The following CNIH3 variants were observed in gnomAD, a reference collection of about 807,000 sequenced individuals.
The protein encoded by CNIH3 is protein cornichon homolog 3.
CNIH3 carries 14 observed loss-of-function variants against 24.1 expected under a neutral mutation model. The observed-to-expected ratio is 0.58, with a 90% CI of 0.38 to 0.91. The LOEUF (loss-of-function observed/expected upper bound fraction) is 0.91. Ranked by LOEUF, CNIH3 falls within the 40% of genes least tolerant of loss-of-function variation. CNIH3 has a pLI of 0.00. For missense variants in CNIH3, 178 were observed against 196.8 expected, an observed-to-expected ratio of 0.90 and a Z score of 0.57; for synonymous variants, 68 against 73.8, an observed-to-expected ratio of 0.92 and a Z score of 0.40.
chr1:224,635,336 A>G (rs1684037316), intron 1 of CNIH3, among the ~76,000 whole-genome samples: 1 of 152,174 alleles, frequency 6.6e-6, no homozygotes, highest in Non-Finnish European at 1.5e-5. Flanking sequence ...TTGGGTGGGG[A>G]CACACAGCCA....
intron 4 of CNIH3, chr1:224,574,351 A>G (rs887036669): frequency 1.4e-5 from 5 of 360,552 alleles, no homozygotes; most frequent in Admixed American, 4.3e-5. Flanking sequence ...TCTTAAAGAC[A>G]TAACTATTTT....
upstream of CNIH3, among the ~76,000 whole-genome samples, chr1:224,512,031 T>G (rs1267649801): frequency 2.0e-5 from 3 of 151,470 alleles, no homozygotes; most frequent in Non-Finnish European, 4.4e-5. Context: ...CAAAATTAGC[T>G]GGGCGTGGTG....
intron 3 of CNIH3, chr1:224,546,995 G>C: frequency 1.3e-6 from 1 of 765,152 alleles, no homozygotes; most frequent in Non-Finnish European, 1.6e-6. Context: ...AGTAGTAATT[G>C]GTAGTGGTAA....
intron 3 of CNIH3, among the ~76,000 whole-genome samples, chr1:224,596,267 T>C (rs759532932): frequency 6.6e-6 from 1 of 152,232 alleles, no homozygotes; most frequent in Non-Finnish European, 1.5e-5. Flanking sequence ...TAGAACCCTT[T>C]ATAATTATGC....
intron 3 of CNIH3, among the ~76,000 whole-genome samples, chr1:224,553,853 G>T (rs972654453): frequency 5.1e-5 from 7 of 137,718 alleles, no homozygotes; most frequent in African/African-American, 7.8e-5. Flanking sequence ...CAGCCAAATA[G>T]ATATTTATAG....
At chr1:224,543,392 C>T (rs778226979) in intron 2 of CNIH3, among the ~76,000 whole-genome samples, 1 of 152,106 alleles carries the variant, frequency 6.6e-6, no homozygotes, top group African/African-American at 2.4e-5. Flanking sequence ...CTTTAGTTCA[C>T]GGGAGTTCTG....
At position 224,653,689 on chromosome 1, in the gene CNIH3, T is replaced by C. The variant is rs1241582336; in HGVS notation, c.82-27269T>C. Among the ~76,000 whole-genome samples, 4 of 152,254 alleles carry C rather than the reference T, an allele frequency of 2.6e-5. No individual in the cohort carries two copies. In the East Asian group the frequency reaches 7.7e-4, roughly 29 times the overall value. On this transcript the variant is annotated intron_variant, in intron 1 of 5. Transcript: ENST00000272133. Reference sequence around the variant, plus strand: ...CGCTGTACAAACTCAATATAAATTCTCAGTTACTGTTGCTTTTTAATACTA... The same window carrying C: ...CGCTGTACAAACTCAATATAAATTCCCAGTTACTGTTGCTTTTTAATACTA...
At chr1:224,535,202 C>T (rs1010037468) in intron 2 of CNIH3, among the ~76,000 whole-genome samples, 17 of 152,108 alleles carry the variant, frequency 1.1e-4, no homozygotes, top group South Asian at 4.1e-4. Context: ...GGAATCTGGA[C>T]GTAGACGCAG....
intron 1 of CNIH3, among the ~76,000 whole-genome samples, chr1:224,656,082 G>T (rs1427964181): frequency 6.6e-6 from 1 of 152,128 alleles, no homozygotes; most frequent in Non-Finnish European, 1.5e-5. Context: ...AACAGTTGGG[G>T]CAGTTTCAGT....
intron 3 of CNIH3, among the ~76,000 whole-genome samples, chr1:224,606,582 G>A (rs749524833): frequency 2.6e-5 from 4 of 152,206 alleles, no homozygotes; most frequent in Admixed American, 6.5e-5. Flanking sequence ...CAGGGAGGGT[G>A]GGCCAGGGTG....
intron 3 of CNIH3, among the ~76,000 whole-genome samples, chr1:224,688,027 G>C (rs555229732): frequency 6.6e-6 from 1 of 152,294 alleles, no homozygotes; most frequent in South Asian, 2.1e-4. Context: ...TCTCAAATGG[G>C]AAACTTGAGG....
At chr1:224,535,449 G>C (rs1412850096) in intron 2 of CNIH3, among the ~76,000 whole-genome samples, 1 of 152,218 alleles carries the variant, frequency 6.6e-6, no homozygotes, top group African/African-American at 2.4e-5. Flanking sequence ...ATAGTAGTTT[G>C]TTACAGCATC....
downstream of CNIH3, among the ~76,000 whole-genome samples, chr1:224,538,659 C>T (rs1679387475): frequency 6.7e-6 from 1 of 148,716 alleles, no homozygotes; most frequent in African/African-American, 2.6e-5. Flanking sequence ...CTCTCTCTCT[C>T]TCTCTTTTTT....
At chr1:224,516,779 G>A (rs1442231379) in intron 1 of CNIH3, among the ~76,000 whole-genome samples, 6 of 152,174 alleles carry the variant, frequency 3.9e-5, no homozygotes, top group East Asian at 1.9e-4. Context: ...TTTGCAGCAC[G>A]TTTTCTTACC....
chr1:224,624,628 C>T (rs946570072), intron 1 of CNIH3, among the ~76,000 whole-genome samples: 2 of 152,186 alleles, frequency 1.3e-5, no homozygotes, highest in Admixed American at 6.5e-5. Context: ...CTCAGAGCAT[C>T]GTGGTCCCTT....
chr1:224,677,008 T>C (rs1459362772), intron 1 of CNIH3, among the ~76,000 whole-genome samples: 5 of 152,298 alleles, frequency 3.3e-5, no homozygotes, highest in Admixed American at 3.3e-4. Flanking sequence ...AATAACGTAA[T>C]GGTAACACTC....
At chr1:224,436,091 T>C (rs1260445234) in intron 1 of CNIH3, among the ~76,000 whole-genome samples, 5 of 152,152 alleles carry the variant, frequency 3.3e-5, no homozygotes, top group Non-Finnish European at 5.9e-5. Context: ...CAGGAAGAAG[T>C]AAGAGGAAGG....
intron 1 of CNIH3, among the ~76,000 whole-genome samples, chr1:224,500,913 G>C (rs1677638382): frequency 6.6e-6 from 1 of 152,080 alleles, no homozygotes; most frequent in African/African-American, 2.4e-5. Flanking sequence ...TGGAACCCGA[G>C]GAAGCAGCCG....
chr1:224,584,566 G>C (rs12042245), intron 5 of CNIH3, among the ~76,000 whole-genome samples: 25,033 of 152,176 alleles, frequency 0.16, 2,497 homozygotes, highest in African/African-American at 0.26. Context: ...TGTCATGGAA[G>C]AAAGACTGGT....
Sources: allele counts gnomAD v4.1 joint callset (sites outside exome capture counted in the v4.1 genomes callset), GRCh38; gene constraint gnomAD v4.1.1; transcripts MANE v1.5; gene names NCBI Gene and HGNC (gene_info 2026-07-23, HGNC 2026-07-21).